Variants in TOR1A observed in about 807,000 individuals in gnomAD.
TOR1A encodes the protein torsin family 1 member A, also known as torsin-1A.
In TOR1A, 18 loss-of-function variants were observed where a neutral mutation model predicts 31.4. The observed-to-expected ratio is 0.57, with a 90% CI of 0.40 to 0.85. TOR1A has a LOEUF of 0.85. Ranked by LOEUF, TOR1A falls within the 40% of genes least tolerant of loss-of-function variation. The pLI, the probability that TOR1A is intolerant of heterozygous loss-of-function variation, is 0.00. For missense variants in TOR1A, 375 were observed against 416.4 expected (o/e 0.90, Z 0.87); for synonymous variants, 168 against 165.9 (o/e 1.01, Z -0.10).
At chr9:129,822,294 T>G (rs1049561926) in intron 2 of TOR1A, 3 of 458,278 alleles carry the variant, frequency 6.5e-6, no homozygotes, top group African/African-American at 4.0e-5. Context: ...AAAAAATGAG[T>G]GAGATGTGTT....
Position 129,815,659 on chromosome 9 carries a change from C to T in TOR1A, c.749-1437G>A, listed in dbSNP as rs191284124. 4.6e-5 allele frequency among the ~76,000 whole-genome samples: 7 copies of T among 152,298 alleles called. No homozygotes were observed. In the East Asian group the frequency reaches 1.4e-3, roughly 29 times the overall value. On this transcript the variant is annotated intron_variant, in intron 4 of 4. Transcript: ENST00000351698. ...ATCTCCTGAGGACTCCCAAGTTTGC[C>T]CTCCTGGCCTGATGGCCTCCCTGGA...
chr9:129,823,175 T>C, intron 1 of TOR1A: 1 of 415,834 alleles, frequency 2.4e-6, no homozygotes, highest in Admixed American at 3.6e-5. Context: ...AACAGTTTGG[T>C]CCCTCCTGGT....
intron 4 of TOR1A, among the ~76,000 whole-genome samples, chr9:129,817,897 G>T (rs569740057): frequency 6.6e-6 from 1 of 150,968 alleles, no homozygotes; most frequent in Non-Finnish European, 1.5e-5. Flanking sequence ...CAAGCCTGTG[G>T]TTCCACCTAC....
At chr9:129,814,254 A>T in intron 4 of TOR1A, 32 bp from the exon 5 acceptor site, 1 of 1,613,614 alleles carries the variant, frequency 6.2e-7, no homozygotes, top group Non-Finnish European at 8.5e-7. Context: ...CTGTTCATCC[A>T]CATCCACCCA....
rs2031090507 is a variant in TOR1A, at chr9:129,818,253, A to T, written c.748+267T>A. 6.2e-6 allele frequency: 3 copies of T among 483,370 alleles called. No individual in the cohort carries two copies. Among genetic ancestry groups the T allele is most frequent in the Non-Finnish European group, 7.5e-6 (2 of 267,066 alleles). The allele number at this position is 483,370 out of a possible 1,614,324, so 29.9% of individuals were successfully genotyped here. On this transcript the variant is annotated intron_variant, in intron 4 of 4. Coordinates refer to ENST00000351698, the MANE Select transcript of TOR1A (RefSeq NM_000113.3). Reference sequence around the variant, plus strand: ...GGGAGGCAGAGGTTGCAGTGAGGCAAGGTTACGCCACTGCACTCCAGCCTA... The same window carrying T: ...GGGAGGCAGAGGTTGCAGTGAGGCATGGTTACGCCACTGCACTCCAGCCTA...
chr9:129,815,147 A>C (rs1249366296), intron 4 of TOR1A, among the ~76,000 whole-genome samples: 1 of 152,218 alleles, frequency 6.6e-6, no homozygotes, highest in Non-Finnish European at 1.5e-5. Flanking sequence ...CTGGTCTGCC[A>C]TGTAATTCTG....
Position 129,818,500 on chromosome 9 carries a change from C to T in TOR1A, c.748+20G>A, listed in dbSNP as rs1474468055. The T allele has an allele frequency of 4.3e-6, 7 of 1,613,664 alleles. No homozygotes were observed. Among genetic ancestry groups the T allele is most frequent in the Middle Eastern group, 1.6e-4 (1 of 6,062 alleles). Reference sequence around the variant, plus strand: ...AGGATTAGGAACCAGATGGGACTGGCGGTGGATGGCCCTACTCACTGTTCT... The same window carrying T: ...AGGATTAGGAACCAGATGGGACTGGTGGTGGATGGCCCTACTCACTGTTCT... On this transcript the variant is annotated intron_variant, in intron 4 of 4. Transcript: ENST00000351698.
In TOR1A at chr9:129,818,862, A is replaced by G; in HGVS notation, c.503T>C (p.Ile168Thr). ...ATGCATCTTATCCATTTCATCAAAT[A>G]TGAAGATGGACCTCGCACAGGCACT... ...NVSACARSIFIFDEMDKMHAG... is the reference protein window; with the variant it reads ...NVSACARSIFTFDEMDKMHAG... Residue 168 changes from isoleucine (I) to threonine (T), a missense_variant, in exon 3 of 5, where the codon ATA becomes ACA. By Grantham distance (89) the Ile-to-Thr change is moderately conservative (BLOSUM62 -1). Transcript: ENST00000351698. 6.2e-7 allele frequency: 1 copy of G among 1,614,034 alleles called. No individual in the cohort carries two copies.
Position 129,823,894 on chromosome 9 carries a change from C to T in TOR1A, c.178+14G>A. The T allele has an allele frequency of 6.4e-7, 1 of 1,558,278 alleles. No individual in the cohort carries two copies. Among genetic ancestry groups the T allele is most frequent in the Non-Finnish European group, 8.7e-7 (1 of 1,152,566 alleles). On this transcript the variant is annotated intron_variant, in intron 1 of 4. Coordinates refer to ENST00000351698, the MANE Select transcript of TOR1A (RefSeq NM_000113.3). ...CAGCCCCAGCCCCAGCCTCCAGCCC[C>T]CGCCCCAGCCTACCCTCCCGGCTAA... is the stretch of plus-strand genomic sequence containing the variant.
chr9:129,818,735 C>T lies in TOR1A; in HGVS notation c.620+10G>A. The T allele has an allele frequency of 6.2e-7, 1 of 1,613,518 alleles. No homozygotes were observed. The highest frequency in any genetic ancestry group is 8.5e-7 in the Non-Finnish European group (1 of 1,180,052). On this transcript the variant is annotated intron_variant, in intron 3 of 4. Coordinates refer to ENST00000351698, the MANE Select transcript of TOR1A (RefSeq NM_000113.3). ...GGGGCCCATCCATCATGTCCTAGCCCTGACCTTACCTGAGAAATATGAACA... is the reference window on the plus strand; with the variant it reads ...GGGGCCCATCCATCATGTCCTAGCCTTGACCTTACCTGAGAAATATGAACA...
chr9:129,820,398 G>A (rs1036759048), intron 2 of TOR1A, among the ~76,000 whole-genome samples: 1 of 152,160 alleles, frequency 6.6e-6, no homozygotes, highest in Non-Finnish European at 1.5e-5. Flanking sequence ...GGGATTACAG[G>A]CGCGAGCCAC....
In TOR1A at chr9:129,814,878, G is replaced by A. The variant is rs144597257; in HGVS notation, c.749-656C>T. ...GGAAGCCTGCTGCCGCTGCCACAGT[G>A]CCCAGACCCTGCAGAGCATGTGGGC... is the stretch of plus-strand genomic sequence containing the variant. On this transcript the variant is annotated intron_variant, in intron 4 of 4. Transcript: ENST00000351698. Among the ~76,000 whole-genome samples the A allele has an allele frequency of 3.9e-3, 590 of 152,270 alleles. 3 individuals are homozygous for A. The highest frequency in any genetic ancestry group is 0.013 in the African/African-American group (560 of 41,564).
At chr9:129,820,760 A>C (rs1015817429) in intron 2 of TOR1A, among the ~76,000 whole-genome samples, 1 of 151,586 alleles carries the variant, frequency 6.6e-6, no homozygotes, top group Non-Finnish European at 1.5e-5. Flanking sequence ...ATGCCTGACT[A>C]ATTTTTTTGT....
At chr9:129,818,448 C>T (rs2031095030) in intron 4 of TOR1A, 72 bp downstream of exon 4, 2 of 1,606,418 alleles carry the variant, frequency 1.2e-6, no homozygotes, top group African/African-American at 1.3e-5. Context: ...CTGACAGTGA[C>T]CCTGATGCTT....
intron 4 of TOR1A, among the ~76,000 whole-genome samples, chr9:129,815,454 A>G (rs1238449537): frequency 6.6e-6 from 1 of 152,240 alleles, no homozygotes. Flanking sequence ...AGGGCAGGAA[A>G]CAATCTCAGA....
intron 4 of TOR1A, 76 bp from the exon 5 acceptor site, chr9:129,814,298 C>T: frequency 1.2e-6 from 2 of 1,606,386 alleles, no homozygotes; most frequent in East Asian, 2.2e-5. Flanking sequence ...GGGTCACTTA[C>T]CTACCCTCCC....
chr9:129,819,593 T>TA (rs1309017110), intron 2 of TOR1A, among the ~76,000 whole-genome samples: 8 of 151,400 alleles, frequency 5.3e-5, no homozygotes, highest in African/African-American at 1.2e-4. Context: ...TGGTCTCTAC[T>TA]AAAAAAAATA....
chr9:129,815,376 T>C (rs2031009746), intron 4 of TOR1A, among the ~76,000 whole-genome samples: 1 of 152,258 alleles, frequency 6.6e-6, no homozygotes, highest in Admixed American at 6.5e-5. Flanking sequence ...AGGCCTGCTC[T>C]GTGCCAGGCA....
chr9:129,816,535 CTG>C (rs1356745635), intron 4 of TOR1A, among the ~76,000 whole-genome samples: 2 of 152,170 alleles, frequency 1.3e-5, no homozygotes, highest in Non-Finnish European at 2.9e-5. Flanking sequence ...GCAAGAATTT[CTG>C]TGTTTGTTCA....
Sources: allele counts gnomAD v4.1 joint callset (sites outside exome capture counted in the v4.1 genomes callset), GRCh38; gene constraint gnomAD v4.1.1; transcripts MANE v1.5; gene names NCBI Gene and HGNC (gene_info 2026-07-23, HGNC 2026-07-21).